The following FNBP1 variants were observed in gnomAD, a reference collection of about 807,000 sequenced individuals.
FNBP1 encodes formin-binding protein 1.
A neutral mutation model predicts 90.6 loss-of-function variants in FNBP1; 26 were observed. The observed-to-expected ratio is 0.29, with a 90% CI of 0.21 to 0.40. The LOEUF is 0.40. FNBP1 is among the 10% of genes least tolerant of loss of function. The pLI is 1.00. For synonymous variants in FNBP1, 260 were observed against 265.2 expected (o/e 0.98, Z 0.19); for missense variants, 635 against 768.0 (o/e 0.83, Z 2.05).
chr9:129,895,394 C>A, intron 16 of FNBP1: 3 of 1,086,348 alleles, frequency 2.8e-6, no homozygotes, highest in Non-Finnish European at 3.4e-6. Context: ...AAGTTACAAT[C>A]TGTAACCACC....
At position 129,907,361 on chromosome 9, in the gene FNBP1, T is replaced by A. The variant is rs150326957; in HGVS notation, c.1295+1529A>T. Among the ~76,000 whole-genome samples, 8 of 152,350 alleles carry A rather than the reference T, an allele frequency of 5.3e-5. No individual in the cohort carries two copies. The East Asian group carries it at 1.3e-3, about 26-fold the overall frequency. On this transcript the variant is annotated intron_variant, in intron 12 of 16. Coordinates refer to ENST00000446176, the MANE Select transcript of FNBP1 (RefSeq NM_015033.3). ...TCATTTTATTTCGCAGACACTTATG[T>A]GCCAGGCACGGTTCCAAGCATGTTA...
At chr9:129,929,052 T>A (rs1588624204) in intron 7 of FNBP1, among the ~76,000 whole-genome samples, 1 of 151,914 alleles carries the variant, frequency 6.6e-6, no homozygotes, top group Non-Finnish European at 1.5e-5. Flanking sequence ...TGGGTCGTGA[T>A]TGTGCACTGC....
the FNBP1 span, among the ~76,000 whole-genome samples, chr9:130,051,593 T>A: frequency 6.6e-6 from 1 of 152,122 alleles, no homozygotes; most frequent in East Asian, 1.9e-4. Flanking sequence ...GGTGAGCAGA[T>A]CACTTGAGGC....
In FNBP1 at chr9:129,978,583, T is replaced by C. The variant is rs762065602; in HGVS notation, c.227A>G (p.Asn76Ser). Residue 76 changes from asparagine (N) to serine (S), a missense_variant, in exon 4 of 17, where the codon AAC becomes AGC. Transcript: ENST00000446176. Reference protein sequence around the residue: ...KYTSCKAFISNLNEMNDYAGQ... With the variant: ...KYTSCKAFISSLNEMNDYAGQ... ...TGCGTAATCATTCATTTCGTTCAGG[T>C]TGGAAATGAAAGCTTTACATGACGT... is the stretch of plus-strand genomic sequence containing the variant. 4 of 1,613,846 alleles carry C rather than the reference T, an allele frequency of 2.5e-6. No individual in the cohort carries two copies. The highest frequency in any genetic ancestry group is 2.2e-5 in the East Asian group (1 of 44,868).
intron 2 of FNBP1, among the ~76,000 whole-genome samples, chr9:129,982,425 T>C (rs952222678): frequency 1.3e-5 from 2 of 151,918 alleles, no homozygotes; most frequent in Admixed American, 1.3e-4. Context: ...GAGCTGAGAC[T>C]GTGCCACTGC....
chr9:129,915,405 C>G (rs940016524), intron 11 of FNBP1, among the ~76,000 whole-genome samples: 1 of 152,044 alleles, frequency 6.6e-6, no homozygotes, highest in Non-Finnish European at 1.5e-5. Flanking sequence ...GCTCTGTCAC[C>G]CAGGCTGGAA....
At chr9:129,972,563 A>C (rs1212152733) in intron 4 of FNBP1, among the ~76,000 whole-genome samples, 1 of 134,496 alleles carries the variant, frequency 7.4e-6, no homozygotes, top group Non-Finnish European at 1.6e-5. Flanking sequence ...ATGGAGTCTC[A>C]CTCTGTCACC....
At chr9:129,985,178 G>A (rs1230261596) in intron 2 of FNBP1, among the ~76,000 whole-genome samples, 2 of 152,042 alleles carry the variant, frequency 1.3e-5, no homozygotes, top group Non-Finnish European at 2.9e-5. Flanking sequence ...AACTCAAAGG[G>A]AAAGACCAAT....
Position 129,900,432 on chromosome 9 carries a change from C to T in FNBP1, c.1544G>A (p.Arg515His), listed in dbSNP as rs1333217322. The change falls in exon 14 of 17, where the codon CGT becomes CAT. Residue 515 changes from arginine to histidine, a missense_variant. By Grantham distance (29) the Arg-to-His change is conservative. Transcript: ENST00000446176. This position sits in a 1 kb window ranked among gnomAD's most constrained non-coding sequence, Gnocchi z 4.1. ...PPTVNNCAQD[R>H]ESPDGSYTEE... ...CGCTGTGCAGATACTGTACCTCTCA[C>T]GGTCCTGGGCGCAGTTGTTGACTGT... 2 of 1,586,884 alleles carry T rather than the reference C, an allele frequency of 1.3e-6. No individual in the cohort carries two copies. The highest frequency in any genetic ancestry group is 1.8e-5 in the Admixed American group (1 of 54,538).
rs777552877 is a variant in FNBP1 at position 129,957,645 on chromosome 9, C to T, written c.409-181G>A. On this transcript the variant is annotated intron_variant, in intron 5 of 16. Coordinates refer to ENST00000446176, the MANE Select transcript of FNBP1 (RefSeq NM_015033.3). The surrounding 1 kb of genome is among the most constrained non-coding windows in gnomAD (Gnocchi z 4.3). The stretch of plus-strand genomic sequence containing the variant: ...TGGCTCACTGCAGCTTTGACCTTCC[C>T]GGCTCAGGTGATCCTCCCACCTCAG... Among the ~76,000 whole-genome samples, 1 of 151,494 alleles carries T rather than the reference C, an allele frequency of 6.6e-6. No individual in the cohort carries two copies. The highest frequency in any genetic ancestry group is 1.5e-5 in the Non-Finnish European group (1 of 67,856).
chr9:129,902,685 G>A (rs2037182871), intron 13 of FNBP1, among the ~76,000 whole-genome samples, 184 bp downstream of exon 13: 2 of 152,296 alleles, frequency 1.3e-5, no homozygotes, highest in Admixed American at 1.3e-4. Flanking sequence ...GATAGGCTAT[G>A]ATGAGTAGGA....
At chr9:129,990,402 G>A (rs982615310) in intron 2 of FNBP1, among the ~76,000 whole-genome samples, 1 of 152,190 alleles carries the variant, frequency 6.6e-6, no homozygotes, top group Non-Finnish European at 1.5e-5. Context: ...GCCACTTGGA[G>A]CCTGGGGAAG....
Position 129,925,069 on chromosome 9 carries a change from C to G in FNBP1, c.878G>C (p.Arg293Pro). Reference sequence around the variant, plus strand: ...TGAAAGGCTGTTATCTGACACAGTGCGCTTCATTGGCTGAGTGTAATCCTC... The same window carrying G: ...TGAAAGGCTGTTATCTGACACAGTGGGCTTCATTGGCTGAGTGTAATCCTC... ...EFEDYTQPMK[R>P]TVSDNSLSNS... The change falls in exon 9 of 17, where the codon CGC (arginine) becomes CCC (proline). Residue 293 changes from arginine to proline, a missense_variant. Coordinates refer to ENST00000446176, the MANE Select transcript of FNBP1 (RefSeq NM_015033.3). The G allele has an allele frequency of 6.2e-7, 1 of 1,613,794 alleles. No individual in the cohort carries two copies. The highest frequency in any genetic ancestry group is 8.5e-7 in the Non-Finnish European group (1 of 1,179,728).
intron 2 of FNBP1, among the ~76,000 whole-genome samples, chr9:129,991,275 ATT>A (rs34733804): frequency 3.0e-5 from 4 of 132,688 alleles, no homozygotes; most frequent in Non-Finnish European, 4.9e-5. Flanking sequence ...GGAAATGCAG[ATT>A]TTTTTTTTTT....
intron 4 of FNBP1, among the ~76,000 whole-genome samples, chr9:129,969,244 A>C (rs2049070081): frequency 6.6e-6 from 1 of 152,218 alleles, no homozygotes; most frequent in Non-Finnish European, 1.5e-5. Context: ...ATCTATTGAT[A>C]ATTCTATCTG....
chr9:129,926,451 T>C (rs1398416411), intron 8 of FNBP1, among the ~76,000 whole-genome samples: 1 of 152,178 alleles, frequency 6.6e-6, no homozygotes, highest in African/African-American at 2.4e-5. Context: ...CATGTGACAA[T>C]GTGTGGAGAC....
intron 2 of FNBP1, among the ~76,000 whole-genome samples, chr9:129,994,536 T>C (rs1352562006): frequency 2.0e-5 from 3 of 152,158 alleles, no homozygotes; most frequent in African/African-American, 7.2e-5. Flanking sequence ...TTATGATTTG[T>C]GTACTTCTCT....
Position 129,923,988 on chromosome 9 carries a change from A to C in FNBP1, c.1026T>G (p.Pro342=). The part of the protein sequence containing the change: ...SLLTSPHQPP[P]PPPASASPSA... ...AGGGTGAGGCAGAGGCAGGAGGGGG[A>C]GGGGGAGGCTGATGGGGGGATGTTA... Residue 342 remains proline, a synonymous_variant, in exon 10 of 17, where the codon CCT becomes CCG. Coordinates refer to ENST00000446176, the MANE Select transcript of FNBP1 (RefSeq NM_015033.3). The C allele has an allele frequency of 9.0e-7, 1 of 1,114,616 alleles. No individual in the cohort carries two copies. The highest frequency in any genetic ancestry group is 1.2e-6 in the Non-Finnish European group (1 of 861,226). 69.0% of individuals were successfully genotyped at this position (1,114,616 alleles called of 1,614,324 possible). A position where few individuals can be genotyped will look rare whatever the true frequency, so the allele number is the denominator to read the frequency against.
intron 1 of FNBP1, among the ~76,000 whole-genome samples, chr9:130,035,141 G>A (rs2059195519): frequency 6.6e-6 from 1 of 152,042 alleles, no homozygotes; most frequent in Admixed American, 6.6e-5. Context: ...ATGGAGAAGT[G>A]GCAAAAAATG....
Sources: allele counts gnomAD v4.1 joint callset (sites outside exome capture counted in the v4.1 genomes callset), GRCh38; gene constraint gnomAD v4.1.1; non-coding constraint Gnocchi (gnomAD v3.1); transcripts MANE v1.5; gene names NCBI Gene and HGNC (gene_info 2026-07-23, HGNC 2026-07-21).